The following CAST variants were observed in gnomAD, a reference collection of about 807,000 sequenced individuals.
CAST encodes calpastatin.
A neutral mutation model predicts 119.6 loss-of-function variants in CAST; 76 were observed. The ratio of observed to expected loss-of-function variants is 0.64; its 90% CI spans 0.53 to 0.77. The LOEUF is 0.77. CAST is among the 30% of genes least tolerant of loss of function. The pLI is 0.00. For synonymous variants in CAST, 319 were observed against 331.6 expected (o/e 0.96, Z 0.41); for missense variants, 953 against 946.5 (o/e 1.01, Z -0.09).
chr5:96,583,271 T>A (rs1356498143), intron 1 of CAST, among the ~76,000 whole-genome samples: 1 of 152,066 alleles, frequency 6.6e-6, no homozygotes, highest in African/African-American at 2.4e-5. Context: ...CCAGGAGTTG[T>A]ATTTGAATTG....
At chr5:96,679,525 G>C (rs1317140946) in intron 2 of CAST, 1 of 152,138 alleles carries the variant, frequency 6.6e-6, no homozygotes, top group African/African-American at 2.4e-5. Context: ...GAATCTTTTA[G>C]CAACATATTT....
At chr5:96,493,521 T>C in the CAST span, among the ~76,000 whole-genome samples, 2 of 152,126 alleles carry the variant, frequency 1.3e-5, no homozygotes, top group East Asian at 3.9e-4. Flanking sequence ...TGTAGCTCAG[T>C]CCCTTGGAAA....
At chr5:96,509,344 C>A in the CAST span, among the ~76,000 whole-genome samples, 2 of 152,146 alleles carry the variant, frequency 1.3e-5, no homozygotes, top group Admixed American at 1.3e-4. Context: ...TCTAGTGGTT[C>A]AAATCCAATT....
chr5:96,754,547 T>TAG lies in CAST; in HGVS notation c.1627-110_1627-109insGA, dbSNP rs780473216. 1.2e-3 allele frequency: 846 copies of TAG among 707,002 alleles called. 2 individuals are homozygous for TAG. The highest frequency in any genetic ancestry group is 1.5e-3 in the Non-Finnish European group (586 of 397,820). 43.8% of individuals were successfully genotyped at this position (707,002 alleles called of 1,614,324 possible). On this transcript the variant is annotated intron_variant, in intron 21 of 31. Transcript: ENST00000675179. Reference sequence around the variant, plus strand: ...GGAGCACTAAGCATACGGTCATATGTACTTCCTAACCTAATGATAGATTTG... The same window carrying TAG: ...GGAGCACTAAGCATACGGTCATATGTAGACTTCCTAACCTAATGATAGATTTG...
the CAST span, among the ~76,000 whole-genome samples, chr5:96,294,856 T>G: frequency 6.6e-6 from 1 of 152,214 alleles, no homozygotes; most frequent in Non-Finnish European, 1.5e-5. Context: ...CATCCTGTAT[T>G]GAAATGCTCT....
the CAST span, among the ~76,000 whole-genome samples, chr5:96,373,524 G>A: frequency 3.9e-5 from 6 of 152,152 alleles, no homozygotes; most frequent in African/African-American, 1.4e-4. Flanking sequence ...CTCTGTTACT[G>A]AGGTGTAGGA....
chr5:96,377,789 T>C, the CAST span, among the ~76,000 whole-genome samples: 2 of 152,194 alleles, frequency 1.3e-5, no homozygotes, highest in Non-Finnish European at 2.9e-5. Flanking sequence ...AGGATGCTTT[T>C]TTCCCCCACT....
Position 96,748,123 on chromosome 5 carries a change from G to A in CAST, c.1333-395G>A, listed in dbSNP as rs927787844. Among the ~76,000 whole-genome samples the A allele has an allele frequency of 6.6e-5, 10 of 152,112 alleles. No homozygotes were observed. The East Asian group carries it at 9.6e-4, about 15-fold the overall frequency. ...CAAAATCCTGCATAATCATAGAAAC[G>A]GAGTATATCATCCGTGTTTTGACTT... On this transcript the variant is annotated intron_variant, in intron 18 of 31. Coordinates refer to ENST00000675179, the MANE Select transcript of CAST (RefSeq NM_001750.7).
the CAST span, among the ~76,000 whole-genome samples, chr5:96,407,458 T>G: frequency 1.3e-5 from 2 of 152,162 alleles, no homozygotes; most frequent in African/African-American, 4.8e-5. Context: ...TGACAAGGGT[T>G]TTGGAAACTG....
At chr5:95,971,115 G>C in the CAST span, among the ~76,000 whole-genome samples, 1 of 152,142 alleles carries the variant, frequency 6.6e-6, no homozygotes, top group Admixed American at 6.6e-5. Context: ...ATTTAGCTTT[G>C]TCAAGTGTTG....
Position 96,757,361 on chromosome 5 carries a change from G to A in CAST, c.1711-83G>A, listed in dbSNP as rs1403976442. The A allele has an allele frequency of 6.6e-6, 8 of 1,216,514 alleles. No individual in the cohort carries two copies. The Admixed American group carries it at 1.4e-4, about 21-fold the overall frequency. 75.4% of individuals were successfully genotyped at this position (1,216,514 alleles called of 1,614,324 possible). A position where few individuals can be genotyped will look rare whatever the true frequency, so the allele number is the denominator to read the frequency against. On this transcript the variant is annotated intron_variant, in intron 22 of 31. Transcript: ENST00000675179. ...TGTACAACAGCAAGTATAACCTGTA[G>A]ACCCTTTGTAATGTTTACAAGGTTT... is the stretch of plus-strand genomic sequence containing the variant.
chr5:96,743,912 G>A (rs911990461), intron 16 of CAST, among the ~76,000 whole-genome samples: 6 of 152,086 alleles, frequency 3.9e-5, no homozygotes, highest in African/African-American at 1.2e-4. Flanking sequence ...ACCTGAGGGC[G>A]ACAGGGCCAC....
At chr5:95,992,646 AT>A in the CAST span, among the ~76,000 whole-genome samples, 2 of 152,190 alleles carry the variant, frequency 1.3e-5, no homozygotes, top group African/African-American at 4.8e-5. Context: ...GAAGACATTC[AT>A]GGAAAACTGG....
rs62364734 is a variant in CAST at position 96,746,327 on chromosome 5, C to T, written c.1201-15C>T. 2.6e-6 allele frequency: 4 copies of T among 1,520,402 alleles called. No individual in the cohort carries two copies. The highest frequency in any genetic ancestry group is 2.2e-5 in the East Asian group (1 of 44,446). The allele number at this position is 1,520,402 out of a possible 1,614,324, so 94.2% of individuals were successfully genotyped here. On this transcript the variant is annotated splice_polypyrimidine_tract_variant and intron_variant, in intron 16 of 31. Transcript: ENST00000675179. ...ATTATCCAACTACTTTTTTTTTCCCCTCCATTTTCATCAGGCAAAAGCTAA... is the reference window on the plus strand; with the variant it reads ...ATTATCCAACTACTTTTTTTTTCCCTTCCATTTTCATCAGGCAAAAGCTAA...
At chr5:96,668,833 C>T (rs1473371737) in intron 1 of CAST, among the ~76,000 whole-genome samples, 5 of 151,892 alleles carry the variant, frequency 3.3e-5, no homozygotes, top group East Asian at 3.9e-4. Context: ...GCTGGGAAGC[C>T]GTCAGGGGAG....
At chr5:96,211,762 C>T in the CAST span, among the ~76,000 whole-genome samples, 33 of 151,848 alleles carry the variant, frequency 2.2e-4, 1 homozygote, top group Non-Finnish European at 2.4e-4. Context: ...ATCATCTGGG[C>T]CTGATAATTT....
the CAST span, among the ~76,000 whole-genome samples, chr5:96,333,954 G>C: frequency 2.0e-5 from 3 of 152,128 alleles, no homozygotes; most frequent in African/African-American, 4.8e-5. Context: ...CTTTGAGTTC[G>C]TAAGTCCAAG....
chr5:96,682,487 T>C (rs1033637506), intron 2 of CAST, among the ~76,000 whole-genome samples: 4 of 152,182 alleles, frequency 2.6e-5, no homozygotes, highest in African/African-American at 9.7e-5. Flanking sequence ...TTGTTTCCTA[T>C]CAAGGATGTA....
chr5:96,768,942 T>C (rs1007332292), intron 29 of CAST: 4 of 152,614 alleles, frequency 2.6e-5, no homozygotes, highest in Admixed American at 2.0e-4. Flanking sequence ...ACAGTAGTGA[T>C]GTGTCTTTTA....
Sources: gnomAD v4.1 joint callset for allele counts (sites outside exome capture counted in the v4.1 genomes callset) on GRCh38, gnomAD v4.1.1 for gene constraint, MANE v1.5 for transcripts, NCBI Gene and HGNC (gene_info 2026-07-23, HGNC 2026-07-21) for gene names.